The following COL6A3 variants were observed in gnomAD, a reference collection of about 807,000 sequenced individuals.
The protein encoded by COL6A3 is collagen alpha-3(VI) chain.
Under a neutral mutation model 274.1 loss-of-function variants are expected in COL6A3, and 137 were observed. That is an observed-to-expected ratio of 0.50 (90% CI 0.44 to 0.58). COL6A3 has a LOEUF of 0.58. Among genes scored for constraint, COL6A3 ranks in the 20% least tolerant of loss-of-function variants. The probability of loss-of-function intolerance (pLI) is 0.00; values close to 1 mark genes in which losing one functional copy is unlikely to be tolerated. For synonymous variants in COL6A3, 1,650 were observed against 1,650.6 expected (o/e 1.00, Z 0.01); for missense variants, 3,950 against 4,124.9 (o/e 0.96, Z 1.16).
chr2:237,376,662 C>T (rs948880965), intron 7 of COL6A3, 110 bp downstream of exon 7: 1 of 1,077,924 alleles, frequency 9.3e-7, no homozygotes, highest in Non-Finnish European at 1.4e-6. Flanking sequence ...TTCCACCTTT[C>T]CTGTAAACTC....
intron 2 of COL6A3, among the ~76,000 whole-genome samples, chr2:237,395,695 C>T (rs570070847): frequency 3.9e-5 from 6 of 152,184 alleles, no homozygotes; most frequent in South Asian, 4.1e-4. Flanking sequence ...GGGTAATTTG[C>T]GTGAAAAATA....
At position 237,357,875 on chromosome 2, in the gene COL6A3, G is replaced by A; in HGVS notation, c.6479C>T (p.Pro2160Leu). The A allele has an allele frequency of 1.2e-6, 2 of 1,614,096 alleles. No homozygotes were observed. Among genetic ancestry groups the A allele is most frequent in the Non-Finnish European group, 8.5e-7 (1 of 1,180,006 alleles). The change falls in exon 22 of 44, where the codon CCA becomes CTA. Residue 2160 changes from proline (P) to leucine (L), a missense_variant. Around this residue, in one of 5 missense-constraint regions of COL6A3, gnomAD observed 1,284 missense variants for 1,349.7 expected, o/e 0.95. Coordinates refer to ENST00000295550, the MANE Select transcript of COL6A3 (RefSeq NM_004369.4). ...TCCTCTCTCCTGGCTGTCTTGTCCT[G>A]GGTTACCCTGAAAGCAACATGGGAA... is the stretch of plus-strand genomic sequence containing the variant. Reference protein sequence around the residue: ...DVGIRGDPGNPGQDSQERGPK... With the variant: ...DVGIRGDPGNLGQDSQERGPK...
rs1401165872 is a variant in COL6A3, at chr2:237,361,974, G to A, written c.6064-143C>T. 1.5e-5 allele frequency: 12 copies of A among 793,364 alleles called. No individual in the cohort carries two copies. Among genetic ancestry groups the A allele is most frequent in the Middle Eastern group, 4.4e-4 (2 of 4,540 alleles). 49.1% of individuals were successfully genotyped at this position (793,364 alleles called of 1,614,324 possible). A position where few individuals can be genotyped will look rare whatever the true frequency, so the allele number is the denominator to read the frequency against. On this transcript the variant is annotated intron_variant, in intron 14 of 43. Coordinates refer to ENST00000295550, the MANE Select transcript of COL6A3 (RefSeq NM_004369.4). The surrounding 1 kb of genome is among the most constrained non-coding windows in gnomAD (Gnocchi z 5.1). The stretch of plus-strand genomic sequence containing the variant: ...TCCCTCCAGGTGACATTTGCTGGAC[G>A]ACTGACGATATGATAGAAATTGCCA...
intron 4 of COL6A3, among the ~76,000 whole-genome samples, chr2:237,383,568 T>C (rs2078066616): frequency 6.6e-6 from 1 of 152,080 alleles, no homozygotes. Flanking sequence ...TATAGACACA[T>C]ATAAATTCCA....
intron 38 of COL6A3, 49 bp downstream of exon 38, chr2:237,340,403 C>A (rs1472908947): frequency 1.3e-6 from 2 of 1,555,768 alleles, no homozygotes; most frequent in Non-Finnish European, 1.8e-6. Context: ...TTCTCCTGGC[C>A]CGAGCATAAA....
At chr2:237,390,516 A>G (rs1360894012) in intron 3 of COL6A3, among the ~76,000 whole-genome samples, 2 of 152,216 alleles carry the variant, frequency 1.3e-5, no homozygotes, top group Non-Finnish European at 1.5e-5. Flanking sequence ...AAGGAATCAG[A>G]TCTATGCACA....
intron 1 of COL6A3, among the ~76,000 whole-genome samples, chr2:237,409,799 C>T (rs781473744): frequency 4.6e-5 from 7 of 152,186 alleles, no homozygotes; most frequent in Non-Finnish European, 7.3e-5. Context: ...GGTAATTCTA[C>T]AGGGATACGC....
At chr2:237,340,004 C>T (rs2076950445) in intron 38 of COL6A3, among the ~76,000 whole-genome samples, 1 of 152,166 alleles carries the variant, frequency 6.6e-6, no homozygotes, top group Non-Finnish European at 1.5e-5. Context: ...GAGCAAAGAC[C>T]CAGTGGTATC....
At chr2:237,396,668 A>C (rs993449825) in intron 2 of COL6A3, 59 bp downstream of exon 2, 1 of 1,544,084 alleles carries the variant, frequency 6.5e-7, no homozygotes, top group East Asian at 2.2e-5. Flanking sequence ...GATGTCTAAG[A>C]TCTAAAATCA....
Position 237,342,057 on chromosome 2 carries a change from C to G in COL6A3, c.7765+8G>C. ...TGAGCAGATCTTCCTGTTAGAGAAACAGCTTACCCAAGCAAACATGACACG... is the reference window on the plus strand; with the variant it reads ...TGAGCAGATCTTCCTGTTAGAGAAAGAGCTTACCCAAGCAAACATGACACG... On this transcript the variant is annotated splice_region_variant and intron_variant, in intron 37 of 43. Transcript: ENST00000295550. 6.2e-7 allele frequency: 1 copy of G among 1,613,214 alleles called. No homozygotes were observed. Among genetic ancestry groups the G allele is most frequent in the Non-Finnish European group, 8.5e-7 (1 of 1,179,238 alleles).
intron 4 of COL6A3, among the ~76,000 whole-genome samples, chr2:237,387,021 GA>G (rs559988495): frequency 1.6e-4 from 24 of 148,620 alleles, no homozygotes; most frequent in Middle Eastern, 6.8e-3. Context: ...ACAAGCACAA[GA>G]AAAAAAAAAC....
rs1212568030 is a variant in COL6A3 at position 237,378,979 on chromosome 2, G to T, written c.2154C>A (p.Asn718Lys). Reference protein sequence around the residue: ...QLQLQGGSGLNTGSALSYVYA... With the variant: ...QLQLQGGSGLKTGSALSYVYA... ...AGACATAGCTTAGGGCTGAGCCTGTGTTCAGGCCCGAACCTCCCTGGAGCT... is the reference window on the plus strand; with the variant it reads ...AGACATAGCTTAGGGCTGAGCCTGTTTTCAGGCCCGAACCTCCCTGGAGCT... Residue 718 changes from asparagine to lysine, a missense_variant, in exon 6 of 44, where the codon AAC becomes AAA. Asn to Lys is a moderately conservative substitution (Grantham distance 94, BLOSUM62 0). Coordinates refer to ENST00000295550, the MANE Select transcript of COL6A3 (RefSeq NM_004369.4). The T allele has an allele frequency of 3.1e-6, 5 of 1,614,096 alleles. No homozygotes were observed. Among genetic ancestry groups the T allele is most frequent in the Non-Finnish European group, 4.2e-6 (5 of 1,180,046 alleles).
intron 40 of COL6A3, among the ~76,000 whole-genome samples, chr2:237,335,859 C>A (rs373375878): frequency 1.3e-5 from 2 of 152,136 alleles, no homozygotes; most frequent in South Asian, 4.2e-4. Context: ...TAGTTTAAGA[C>A]AACTCAATTT....
In COL6A3 at chr2:237,387,931, A is replaced by T; in HGVS notation, c.963T>A (p.Asn321Lys). The change falls in exon 4 of 44, where the codon AAT (asparagine) becomes AAA (lysine). Residue 321 changes from asparagine (N) to lysine (K), a missense_variant. By Grantham distance (94) the Asn-to-Lys change is moderately conservative (BLOSUM62 0). Transcript: ENST00000295550. ...ALGFAGGELA[N>K]IGLALDFVVE... The stretch of plus-strand genomic sequence containing the variant: ...CCACGAAATCAAGGGCGAGGCCGAT[A>T]TTGGCCAACTCCCCACCAGCAAACC... 1 of 1,614,172 alleles carries T rather than the reference A, an allele frequency of 6.2e-7. No homozygotes were observed. The highest frequency in any genetic ancestry group is 1.1e-5 in the South Asian group (1 of 91,080).
rs959132561 is a variant in COL6A3 at position 237,413,302 on chromosome 2, A to G, written c.-31+651T>C. Among the ~76,000 whole-genome samples, 4 of 152,152 alleles carry G rather than the reference A, an allele frequency of 2.6e-5. No individual in the cohort carries two copies. The highest frequency in any genetic ancestry group is 9.7e-5 in the African/African-American group (4 of 41,432). ...CTGACCCCTGCAACTCCTTTAAGCA[A>G]CCCCAAGGGACAAAGTCTCCAATAG... On this transcript the variant is annotated intron_variant, in intron 1 of 43. Coordinates refer to ENST00000295550, the MANE Select transcript of COL6A3 (RefSeq NM_004369.4). This position sits in a 1 kb window ranked among gnomAD's most constrained non-coding sequence, Gnocchi z 4.0.
chr2:237,379,901 G>A lies in COL6A3; in HGVS notation c.1898-666C>T, dbSNP rs569043148. Among the ~76,000 whole-genome samples, 500 of 152,326 alleles carry A rather than the reference G, an allele frequency of 3.3e-3. 5 individuals are homozygous for A. Among genetic ancestry groups the A allele is most frequent in the African/African-American group, 0.011 (474 of 41,576 alleles). On this transcript the variant is annotated intron_variant, in intron 5 of 43. Transcript: ENST00000295550. ...CCGTAAATACACAGCAAAATAGAAG[G>A]AGACTAGTTGCTAGGCTTGGCCAAA...
At chr2:237,360,240 G>T (rs1559227372) in intron 16 of COL6A3, 81 bp from the exon 17 acceptor site, 1 of 1,367,840 alleles carries the variant, frequency 7.3e-7, no homozygotes, top group Non-Finnish European at 1.0e-6. Flanking sequence ...AGCGTAAAGG[G>T]TACTGTGAAC....
intron 26 of COL6A3, among the ~76,000 whole-genome samples, chr2:237,351,426 G>T (rs1286886009): frequency 1.3e-5 from 2 of 152,252 alleles, no homozygotes; most frequent in Non-Finnish European, 2.9e-5. Flanking sequence ...CTCAGTGCCA[G>T]TTTTCACAAA....
intron 1 of COL6A3, among the ~76,000 whole-genome samples, chr2:237,398,515 TAGGCTGA>T (rs564603505): frequency 5.3e-5 from 8 of 152,154 alleles, no homozygotes; most frequent in Non-Finnish European, 1.0e-4. Context: ...TCTTTCTGTC[TAGGCTGA>T]AGTCCCCTTG....
Sources: gnomAD v4.1 joint callset for allele counts (sites outside exome capture counted in the v4.1 genomes callset) on GRCh38, gnomAD v4.1.1 for gene constraint, gnomAD v4.1.1 regional missense constraint, Gnocchi (gnomAD v3.1) non-coding constraint, MANE v1.5 for transcripts, NCBI Gene and HGNC (gene_info 2026-07-23, HGNC 2026-07-21) for gene names.